SIDT1: variants seen among roughly 807,000 people sequenced by gnomAD.
The protein encoded by SIDT1 is SID1 transmembrane family member 1.
A neutral mutation model predicts 107.5 loss-of-function variants in SIDT1; 101 were observed. The observed-to-expected ratio is 0.94, with a 90% confidence interval of 0.80 to 1.11. The LOEUF is 1.11. Among genes scored for constraint, SIDT1 ranks in the 50% least tolerant of loss-of-function variants. The pLI, the probability that SIDT1 is intolerant of heterozygous loss-of-function variation, is 0.00. For synonymous variants in SIDT1, 395 were observed against 398.2 expected (o/e 0.99, Z 0.10); for missense variants, 1,076 against 1,058.2 (o/e 1.02, Z -0.23).
chr3:113,606,992 A>C (rs1945380519), intron 14 of SIDT1, 49 bp from the exon 15 acceptor site: 1 of 1,198,726 alleles, frequency 8.3e-7, no homozygotes, highest in Non-Finnish European at 1.2e-6. Context: ...GCTGGGGCTC[A>C]GAGGACGGAG....
chr3:113,629,538 TAAAAAATAAA>T lies in SIDT1; in HGVS notation c.*1843_*1852del, dbSNP rs1245725672. On this transcript the variant is annotated 3_prime_UTR_variant, in exon 25 of 25. Coordinates refer to ENST00000264852, the MANE Select transcript of SIDT1 (RefSeq NM_017699.3). ...GATGACAGAGTGAGACCCCATCTCT[TAAAAAATAAA>T]AAAAAATAAAAATTTGAACCTGTTT... 1 of 152,030 alleles carries T rather than the reference TAAAAAATAAA, an allele frequency of 6.6e-6. No homozygotes were observed. Among genetic ancestry groups the T allele is most frequent in the East Asian group, 1.9e-4 (1 of 5,194 alleles). The allele number at this position is 152,030 out of a possible 1,614,324, so 9.4% of individuals were successfully genotyped here.
chr3:113,578,839 C>G (rs1325721989), intron 4 of SIDT1, among the ~76,000 whole-genome samples: 1 of 151,902 alleles, frequency 6.6e-6, no homozygotes, highest in Non-Finnish European at 1.5e-5. Context: ...TGGGTGACAG[C>G]GTGAGACCCT....
chr3:113,566,719 A>G (rs1182319162), intron 2 of SIDT1, among the ~76,000 whole-genome samples, 178 bp downstream of exon 2: 1 of 152,184 alleles, frequency 6.6e-6, no homozygotes, highest in Non-Finnish European at 1.5e-5. Context: ...GCTCTGTTCA[A>G]TTATTAGATG....
At chr3:113,576,398 G>A (rs1942903117) in intron 3 of SIDT1, among the ~76,000 whole-genome samples, 2 of 152,142 alleles carry the variant, frequency 1.3e-5, no homozygotes, top group Non-Finnish European at 2.9e-5. Context: ...GCTATTAGGG[G>A]ATAGTAAGGG....
chr3:113,554,711 G>GT (rs1940654802), intron 1 of SIDT1, among the ~76,000 whole-genome samples: 1 of 152,210 alleles, frequency 6.6e-6, no homozygotes, highest in South Asian at 2.1e-4. Context: ...ATTCTTATGT[G>GT]TTTGGGGGTA....
intron 3 of SIDT1, among the ~76,000 whole-genome samples, chr3:113,570,499 A>G (rs1420385249): frequency 6.6e-6 from 1 of 152,272 alleles, no homozygotes; most frequent in Non-Finnish European, 1.5e-5. Context: ...AAATAAAGTC[A>G]TAAGGTCACA....
chr3:113,542,867 T>C (rs1410457797), intron 1 of SIDT1, among the ~76,000 whole-genome samples: 1 of 152,016 alleles, frequency 6.6e-6, no homozygotes, highest in Non-Finnish European at 1.5e-5. Flanking sequence ...GCAGGGCTTT[T>C]TCTAGGAAGA....
At chr3:113,589,129 T>C (rs533703030) in intron 9 of SIDT1, among the ~76,000 whole-genome samples, 270 of 152,332 alleles carry the variant, frequency 1.8e-3, no homozygotes, top group Admixed American at 3.5e-3. Context: ...CTCATTCAAT[T>C]GGCCAAAATA....
In SIDT1 at chr3:113,629,343, G is replaced by A. The variant is rs1328101570; in HGVS notation, c.*1635G>A. On this transcript the variant is annotated 3_prime_UTR_variant, in exon 25 of 25. Transcript: ENST00000264852. ...GTTGGCTTCCATTGACCATATGAAG[G>A]CCACCAATTAAATGGTTGTGTTAAT... The A allele has an allele frequency of 6.6e-6, 1 of 151,982 alleles. No homozygotes were observed. The highest frequency in any genetic ancestry group is 1.5e-5 in the Non-Finnish European group (1 of 67,994). The allele number at this position is 151,982 out of a possible 1,614,324, so 9.4% of individuals were successfully genotyped here. A position where few individuals can be genotyped will look rare whatever the true frequency, so the allele number is the denominator to read the frequency against.
At chr3:113,602,738 C>A in intron 11 of SIDT1, 1 of 294,634 alleles carries the variant, frequency 3.4e-6, no homozygotes, top group Non-Finnish European at 6.2e-6. Context: ...TTTTTGTATC[C>A]AAATAGTTAA....
At chr3:113,594,378 C>T (rs1944392857) in intron 10 of SIDT1, among the ~76,000 whole-genome samples, 1 of 152,152 alleles carries the variant, frequency 6.6e-6, no homozygotes, top group Non-Finnish European at 1.5e-5. Flanking sequence ...TGTCTGCTCT[C>T]TGGATGTCAT....
intron 2 of SIDT1, among the ~76,000 whole-genome samples, chr3:113,566,908 C>T (rs1190859826): frequency 6.6e-6 from 1 of 152,160 alleles, no homozygotes; most frequent in African/African-American, 2.4e-5. Context: ...CGTGTGTTTG[C>T]ATTCTTCATT....
At chr3:113,605,663 C>G (rs1333154679) in intron 14 of SIDT1, among the ~76,000 whole-genome samples, 1 of 152,166 alleles carries the variant, frequency 6.6e-6, no homozygotes, top group East Asian at 1.9e-4. Context: ...GATAGCTAAT[C>G]TAGCCTGTGC....
chr3:113,592,899 T>C (rs1944275320), intron 9 of SIDT1, 106 bp from the exon 10 acceptor site: 3 of 939,720 alleles, frequency 3.2e-6, no homozygotes, highest in East Asian at 4.8e-5. Flanking sequence ...AAGACATGTT[T>C]TGAAGAGATC....
chr3:113,541,143 TACACAC>T (rs34408872), intron 1 of SIDT1, among the ~76,000 whole-genome samples: 15 of 147,772 alleles, frequency 1.0e-4, no homozygotes, highest in Admixed American at 4.1e-4. Context: ...TACACACACA[TACACAC>T]ACACACACAC....
At position 113,608,547 on chromosome 3, in the gene SIDT1, C is replaced by A; in HGVS notation, c.1720+11C>A. 1 of 1,516,142 alleles carries A rather than the reference C, an allele frequency of 6.6e-7. No individual in the cohort carries two copies. The highest frequency in any genetic ancestry group is 9.2e-7 in the Non-Finnish European group (1 of 1,090,860). 93.9% of individuals were successfully genotyped at this position (1,516,142 alleles called of 1,614,324 possible). ...CCAACTTCCAATTCGGTAATTAGAACTTATATCTACTATACAGATTTGAAT... is the reference window on the plus strand; with the variant it reads ...CCAACTTCCAATTCGGTAATTAGAAATTATATCTACTATACAGATTTGAAT... On this transcript the variant is annotated intron_variant, in intron 17 of 24. Transcript: ENST00000264852.
chr3:113,536,834 A>T (rs1938228332), intron 1 of SIDT1, among the ~76,000 whole-genome samples: 3 of 152,248 alleles, frequency 2.0e-5, no homozygotes, highest in African/African-American at 4.8e-5. Flanking sequence ...CAAGATCATG[A>T]TTCATTTCAT....
At chr3:113,587,932 G>T (rs577087381) in intron 9 of SIDT1, among the ~76,000 whole-genome samples, 69 of 152,292 alleles carry the variant, frequency 4.5e-4, no homozygotes, top group African/African-American at 1.7e-3. Context: ...AAGTTGAAAA[G>T]GGGTCCAAAA....
At chr3:113,585,064 A>G (rs1317504507) in intron 8 of SIDT1, 113 bp from the exon 9 acceptor site, 4 of 768,930 alleles carry the variant, frequency 5.2e-6, no homozygotes, top group South Asian at 3.3e-5. Flanking sequence ...ACAAAAATTT[A>G]TTAGGACCTA....
Sources: gnomAD v4.1 joint callset for allele counts (sites outside exome capture counted in the v4.1 genomes callset) on GRCh38, gnomAD v4.1.1 for gene constraint, MANE v1.5 for transcripts, NCBI Gene and HGNC (gene_info 2026-07-23, HGNC 2026-07-21) for gene names.